Variants in ABCA8 observed in about 807,000 individuals in gnomAD.
ABCA8 encodes the protein ATP binding cassette subfamily A member 8.
A neutral mutation model predicts 192.3 loss-of-function variants in ABCA8; 177 were observed. The ratio of observed to expected loss-of-function variants is 0.92; its 90% CI spans 0.81 to 1.04. ABCA8 has a LOEUF of 1.04. Among genes scored for constraint, ABCA8 ranks in the 50% least tolerant of loss-of-function variants. The probability of loss-of-function intolerance (pLI) is 0.00; values close to 1 mark genes in which losing one functional copy is unlikely to be tolerated. For missense variants in ABCA8, 1,915 were observed against 1,904.8 expected, an observed-to-expected ratio of 1.01 and a Z score of -0.10; for synonymous variants, 642 against 690.2, an observed-to-expected ratio of 0.93 and a Z score of 1.09.
intron 30 of ABCA8, 23 bp from the exon 31 acceptor site, chr17:68,882,003 A>T (rs775471763): frequency 6.3e-7 from 1 of 1,583,452 alleles, no homozygotes; most frequent in Admixed American, 1.7e-5. Flanking sequence ...AGAAGTTATT[A>T]TGTCAGACCT....
intron 13 of ABCA8, 182 bp from the exon 14 acceptor site, chr17:68,919,658 G>A (rs1204615830): frequency 1.8e-6 from 1 of 543,444 alleles, no homozygotes; most frequent in Non-Finnish European, 3.2e-6. Flanking sequence ...TTCCCATCAA[G>A]GTGTAGTCCC....
At chr17:68,876,239 G>A (rs796104798) in intron 35 of ABCA8, 4 of 602,496 alleles carry the variant, frequency 6.6e-6, no homozygotes, top group South Asian at 4.1e-5. Context: ...TGAGACCTAT[G>A]GGCCCTAACA....
Position 68,881,156 on chromosome 17 carries a change from C to G in ABCA8, c.4002G>C (p.Lys1334Asn), listed in dbSNP as rs1378467958. Residue 1334 changes from lysine (K) to asparagine (N), a missense_variant, in exon 32 of 40, where the codon AAG becomes AAC. Transcript: ENST00000586539. ...HNGAGKSTSI[K>N]VITGDTKPTA... ...TTGGTTTTGTGTCTCCAGTTATCAC[C>G]TTAATGGATGTGCTTTTACCAGCTC... 6.2e-7 allele frequency: 1 copy of G among 1,613,978 alleles called. No individual in the cohort carries two copies. Among genetic ancestry groups the G allele is most frequent in the South Asian group, 1.1e-5 (1 of 91,068 alleles).
Position 68,940,869 on chromosome 17 carries a change from G to A in ABCA8, c.190C>T (p.Leu64=), listed in dbSNP as rs772700759. The change falls in exon 4 of 40, where the codon CTG becomes TTG. Residue 64 remains leucine (L), a synonymous_variant. Transcript: ENST00000586539. ...NDFSSLLTMD[L]GRVDTFNESR... is the part of the protein sequence containing the mutation. ...TCATTAAATGTATCTACCCGTCCCA[G>A]GTCCATGGTAAGCAGTGAAGAAAAA... 6.2e-7 allele frequency: 1 copy of A among 1,613,244 alleles called. No individual in the cohort carries two copies. The highest frequency in any genetic ancestry group is 1.1e-5 in the South Asian group (1 of 91,050).
chr17:68,907,094 C>T (rs749113484), intron 18 of ABCA8, among the ~76,000 whole-genome samples: 3 of 152,040 alleles, frequency 2.0e-5, no homozygotes, highest in Non-Finnish European at 4.4e-5. Flanking sequence ...CCACCTAAAA[C>T]GTCTACAAAT....
At position 68,941,966 on chromosome 17, in the gene ABCA8, T is replaced by A; in HGVS notation, c.69A>T (p.Lys23Asn). The A allele has an allele frequency of 6.2e-7, 1 of 1,611,876 alleles. No individual in the cohort carries two copies. Among genetic ancestry groups the A allele is most frequent in the South Asian group, 1.1e-5 (1 of 90,954 alleles). Residue 23 changes from lysine (K) to asparagine (N), a missense_variant, in exon 3 of 40, where the codon AAA (lysine) becomes AAT (asparagine). Coordinates refer to ENST00000586539, the MANE Select transcript of ABCA8 (RefSeq NM_001288985.2). ...TTAAGGACTCTCTTTTCATTCTCCATTTTTTAAGAAAGTTCTTGCATAATA... is the reference window on the plus strand; with the variant it reads ...TTAAGGACTCTCTTTTCATTCTCCAATTTTTAAGAAAGTTCTTGCATAATA... Reference protein sequence around the residue: ...WALLCKNFLKKWRMKRESLME... With the variant: ...WALLCKNFLKNWRMKRESLME...
chr17:68,892,853 T>C (rs1057014166), intron 23 of ABCA8, among the ~76,000 whole-genome samples: 8 of 151,934 alleles, frequency 5.3e-5, no homozygotes, highest in African/African-American at 1.9e-4. Context: ...CATATGAAAA[T>C]AATACTGGCA....
chr17:68,931,080 C>T (rs1486965992), intron 7 of ABCA8, among the ~76,000 whole-genome samples: 1 of 152,210 alleles, frequency 6.6e-6, no homozygotes, highest in African/African-American at 2.4e-5. Context: ...TCCTCAGTCT[C>T]AAAGGAGTTC....
chr17:68,922,018 T>C (rs4147987), intron 12 of ABCA8, among the ~76,000 whole-genome samples: 4,127 of 151,970 alleles, frequency 0.027, 154 homozygotes, highest in East Asian at 0.19. Context: ...CTAAAACATA[T>C]TCATTTTTTT....
intron 37 of ABCA8, among the ~76,000 whole-genome samples, chr17:68,870,925 T>C (rs1197172622): frequency 6.6e-6 from 1 of 152,178 alleles, no homozygotes; most frequent in Non-Finnish European, 1.5e-5. Context: ...ACCATATTGC[T>C]TTCCATAGTG....
intron 37 of ABCA8, among the ~76,000 whole-genome samples, chr17:68,872,612 A>T (rs1031283891): frequency 4.6e-5 from 7 of 151,000 alleles, no homozygotes; most frequent in East Asian, 1.9e-4. Context: ...TAAAAAAAAT[A>T]AAAAAAAAGA....
rs1273739260 is a variant in ABCA8 at position 68,891,565 on chromosome 17, GC to G, written c.3067del (p.Ala1023HisfsTer9). 4.3e-6 allele frequency: 7 copies of G among 1,612,774 alleles called. No homozygotes were observed. Among genetic ancestry groups the G allele is most frequent in the Non-Finnish European group, 5.9e-6 (7 of 1,179,640 alleles). The stretch of plus-strand genomic sequence containing the variant: ...TAAAACCAGCCAGAACATGATATAT[GC>G]CAGGAATCCGATTGGATTGTCCTGT... ...NGQDNPIGFL[A>X]YIMFWLVLTS... is the part of the protein sequence containing the mutation. On this transcript the variant is annotated frameshift_variant, in exon 24 of 40. Coordinates refer to ENST00000586539, the MANE Select transcript of ABCA8 (RefSeq NM_001288985.2). LOFTEE classifies it high-confidence loss of function.
chr17:68,882,797 G>A (rs2066367831), intron 29 of ABCA8, 78 bp from the exon 30 acceptor site: 2 of 1,392,572 alleles, frequency 1.4e-6, no homozygotes, highest in Non-Finnish European at 9.9e-7. Context: ...TAAAGCATAT[G>A]TTTGAGTAGT....
intron 38 of ABCA8, among the ~76,000 whole-genome samples, chr17:68,869,157 G>A (rs1369573854): frequency 1.3e-5 from 2 of 152,134 alleles, no homozygotes; most frequent in Non-Finnish European, 2.9e-5. Flanking sequence ...AAACAGTATA[G>A]CGAGAGAGTT....
intron 2 of ABCA8, among the ~76,000 whole-genome samples, chr17:68,945,514 A>C (rs1206732287): frequency 6.6e-6 from 1 of 152,166 alleles, no homozygotes; most frequent in Non-Finnish European, 1.5e-5. Context: ...CTGTTTAGAA[A>C]GCACTTTCCT....
At chr17:68,931,761 CTTTTTTTTTTTTTTTT>C (rs71144640) in intron 7 of ABCA8, 1 of 96,194 alleles carries the variant, frequency 1.0e-5, no homozygotes, top group Admixed American at 1.6e-4. Context: ...AATACATTTC[CTTTTTTTTTTTTTTTT>C]TTTTTTTTTG....
chr17:68,924,935 A>G (rs2067656661), intron 10 of ABCA8, 66 bp from the exon 11 acceptor site: 1 of 1,529,612 alleles, frequency 6.5e-7, no homozygotes, highest in Non-Finnish European at 8.9e-7. Context: ...AGTCACAGTA[A>G]TGTAGCACGG....
chr17:68,886,916 A>T, intron 26 of ABCA8, 101 bp downstream of exon 26: 3 of 613,392 alleles, frequency 4.9e-6, no homozygotes, highest in Non-Finnish European at 7.9e-6. Flanking sequence ...TGTTTATTAT[A>T]GACCATAATA....
chr17:68,913,027 CAAATTGAAATT>C (rs2067262790), intron 17 of ABCA8, among the ~76,000 whole-genome samples: 1 of 151,566 alleles, frequency 6.6e-6, no homozygotes, highest in Admixed American at 6.6e-5. Flanking sequence ...ATTTTTTTTT[CAAATTGAAATT>C]ATACCAAATA....
Sources: allele counts gnomAD v4.1 joint callset (sites outside exome capture counted in the v4.1 genomes callset), GRCh38; gene constraint gnomAD v4.1.1; transcripts MANE v1.5; gene names NCBI Gene and HGNC (gene_info 2026-07-23, HGNC 2026-07-21).